The following PRKCE variants were observed in gnomAD, a reference collection of about 807,000 sequenced individuals.
The protein encoded by PRKCE is protein kinase C epsilon type.
A neutral mutation model predicts 85.4 loss-of-function variants in PRKCE; 16 were observed. The observed-to-expected ratio is 0.19, with a 90% CI of 0.13 to 0.28. The LOEUF (loss-of-function observed/expected upper bound fraction) is 0.28, where lower values mean the gene tolerates loss of function less well. Ranked by LOEUF, PRKCE falls within the 10% of genes least tolerant of loss-of-function variation. The probability of loss-of-function intolerance (pLI) is 1.00; values close to 1 mark genes in which losing one functional copy is unlikely to be tolerated. For missense variants in PRKCE, 573 were observed against 975.2 expected, an observed-to-expected ratio of 0.59 and a Z score of 5.49; for synonymous variants, 388 against 371.5, an observed-to-expected ratio of 1.04 and a Z score of -0.51.
chr2:45,861,546 C>G (rs1432029494), intron 2 of PRKCE, among the ~76,000 whole-genome samples: 1 of 152,200 alleles, frequency 6.6e-6, no homozygotes, highest in Non-Finnish European at 1.5e-5. Flanking sequence ...ATAAATACCT[C>G]TTCGCATGAG....
chr2:45,777,230 C>T (rs1196001800), intron 1 of PRKCE, among the ~76,000 whole-genome samples: 3 of 152,096 alleles, frequency 2.0e-5, no homozygotes, highest in African/African-American at 4.8e-5. Flanking sequence ...TTGTCAGGGA[C>T]AACTTTCTTG....
Position 45,755,677 on chromosome 2 carries a change from T to C in PRKCE, c.349-87323T>C, listed in dbSNP as rs1442666945. 3.3e-5 allele frequency among the ~76,000 whole-genome samples: 5 copies of C among 152,366 alleles called. No homozygotes were observed. In the East Asian group the frequency reaches 9.6e-4, roughly 29 times the overall value. On this transcript the variant is annotated intron_variant, in intron 1 of 14. Transcript: ENST00000306156. The stretch of plus-strand genomic sequence containing the variant: ...TGCTGCATGAGGGCAGCGATTCCCC[T>C]TGATTTCTCTGTCTATCCTCCTAGG...
At position 45,822,700 on chromosome 2, in the gene PRKCE, C is replaced by T. The variant is rs374980891; in HGVS notation, c.349-20300C>T. ...CCTTTGGAGGTGCTGTGGGGCAAGA[C>T]GTCCGAATCCGTGTCACTCACTGAG... On this transcript the variant is annotated intron_variant, in intron 1 of 14. Coordinates refer to ENST00000306156, the MANE Select transcript of PRKCE (RefSeq NM_005400.3). Among the ~76,000 whole-genome samples, 14 of 152,304 alleles carry T rather than the reference C, an allele frequency of 9.2e-5. 1 individual carries two copies. Among genetic ancestry groups the T allele is most frequent in the African/African-American group, 3.1e-4 (13 of 41,564 alleles).
intron 11 of PRKCE, among the ~76,000 whole-genome samples, chr2:46,124,196 A>G (rs1312299604): frequency 5.9e-5 from 9 of 152,208 alleles, no homozygotes; most frequent in Admixed American, 1.3e-4. Context: ...GTGGTGGTGC[A>G]TGCCTGTAAT....
intron 2 of PRKCE, among the ~76,000 whole-genome samples, chr2:45,919,454 C>T (rs1172315327): frequency 6.6e-6 from 1 of 152,252 alleles, no homozygotes; most frequent in Non-Finnish European, 1.5e-5. Context: ...TTATTTGCTG[C>T]CTTTCCACTG....
At chr2:45,694,988 T>C (rs1315126173) in intron 1 of PRKCE, among the ~76,000 whole-genome samples, 1 of 152,168 alleles carries the variant, frequency 6.6e-6, no homozygotes, top group Non-Finnish European at 1.5e-5. Flanking sequence ...TCAGTTTGGC[T>C]ATAAAGAGCC....
rs150245227 is a variant in PRKCE, at chr2:46,023,940, C to T, written c.1437+13423C>T. ...CAGGTTCAACTTGGAGCATTTTACA[C>T]GTATTAATTTAATCGTCACATCAAC... On this transcript the variant is annotated intron_variant, in intron 10 of 14. Coordinates refer to ENST00000306156, the MANE Select transcript of PRKCE (RefSeq NM_005400.3). Among the ~76,000 whole-genome samples, 406 of 152,258 alleles carry T rather than the reference C, an allele frequency of 2.7e-3. 1 individual carries two copies. Among genetic ancestry groups the T allele is most frequent in the Non-Finnish European group, 4.5e-3 (306 of 68,022 alleles).
At chr2:45,815,719 T>A (rs116704568) in intron 1 of PRKCE, among the ~76,000 whole-genome samples, 2,685 of 152,334 alleles carry the variant, frequency 0.018, 38 homozygotes, top group Non-Finnish European at 0.03. Flanking sequence ...ATATCTTATT[T>A]GTAAGGAATA....
intron 1 of PRKCE, among the ~76,000 whole-genome samples, chr2:45,712,864 A>C (rs1679783456): frequency 6.6e-6 from 1 of 152,246 alleles, no homozygotes; most frequent in Admixed American, 6.5e-5. Flanking sequence ...GGCGGGGACC[A>C]TGTGTCATTT....
At chr2:46,075,730 C>A (rs1558425346) in intron 10 of PRKCE, among the ~76,000 whole-genome samples, 1 of 152,180 alleles carries the variant, frequency 6.6e-6, no homozygotes, top group Non-Finnish European at 1.5e-5. Flanking sequence ...GCCTGGGCAA[C>A]AGAGTGAGGC....
chr2:45,733,635 G>T (rs1681780784), intron 1 of PRKCE, among the ~76,000 whole-genome samples: 1 of 152,136 alleles, frequency 6.6e-6, no homozygotes, highest in Non-Finnish European at 1.5e-5. Flanking sequence ...ACTTGAAGGA[G>T]GTCATGGAGT....
At chr2:45,857,665 G>C (rs1692786937) in intron 2 of PRKCE, among the ~76,000 whole-genome samples, 1 of 151,796 alleles carries the variant, frequency 6.6e-6, no homozygotes, top group Non-Finnish European at 1.5e-5. Flanking sequence ...TGCCTGCCTT[G>C]GCCTCCCAAA....
chr2:45,828,014 C>G (rs1364199014), intron 1 of PRKCE, among the ~76,000 whole-genome samples: 2 of 152,056 alleles, frequency 1.3e-5, no homozygotes, highest in Non-Finnish European at 2.9e-5. Flanking sequence ...CCTGTACATA[C>G]AAAGATAGTG....
chr2:46,176,597 T>G (rs1448483192), intron 14 of PRKCE, among the ~76,000 whole-genome samples: 3 of 152,304 alleles, frequency 2.0e-5, no homozygotes, highest in Non-Finnish European at 2.9e-5. Context: ...TTGAAGCAAT[T>G]AACTTCATTT....
intron 2 of PRKCE, among the ~76,000 whole-genome samples, chr2:45,911,592 T>C (rs1280551731): frequency 6.6e-6 from 1 of 152,186 alleles, no homozygotes; most frequent in Non-Finnish European, 1.5e-5. Flanking sequence ...AGGGATGGGC[T>C]GATTGTATGA....
At chr2:46,055,704 G>C (rs1454492109) in intron 10 of PRKCE, among the ~76,000 whole-genome samples, 1 of 151,582 alleles carries the variant, frequency 6.6e-6, no homozygotes, top group East Asian at 1.9e-4. Context: ...CTGTTGCCCT[G>C]TTGGCTGGAA....
chr2:45,843,068 G>A lies in PRKCE; in HGVS notation c.412+5G>A, dbSNP rs1691485741. 1.2e-6 allele frequency: 2 copies of A among 1,613,648 alleles called. No homozygotes were observed. Among genetic ancestry groups the A allele is most frequent in the African/African-American group, 1.3e-5 (1 of 74,930 alleles). On this transcript the variant is annotated splice_donor_5th_base_variant and intron_variant, in intron 2 of 14. Coordinates refer to ENST00000306156, the MANE Select transcript of PRKCE (RefSeq NM_005400.3). ...TCTCAGGGTCGTCGGGTGAAGGTAG[G>A]AGAGCGTGACTTCTCATCCCTGTTT...
intron 10 of PRKCE, among the ~76,000 whole-genome samples, chr2:46,061,276 ATTT>A (rs1344267760): frequency 6.6e-6 from 1 of 151,436 alleles, no homozygotes; most frequent in African/African-American, 2.4e-5. Flanking sequence ...TGCCCAGCTA[ATTT>A]TTGTATTCTT....
chr2:46,157,073 C>T (rs1039803046), intron 13 of PRKCE, among the ~76,000 whole-genome samples: 2 of 152,214 alleles, frequency 1.3e-5, no homozygotes, highest in African/African-American at 4.8e-5. Context: ...GGCATATCTT[C>T]ATTGGTTCTG....
Sources: allele counts gnomAD v4.1 joint callset (sites outside exome capture counted in the v4.1 genomes callset), GRCh38; gene constraint gnomAD v4.1.1; transcripts MANE v1.5; gene names NCBI Gene and HGNC (gene_info 2026-07-23, HGNC 2026-07-21).